The following PCDH18 variants were observed in gnomAD, a reference collection of about 807,000 sequenced individuals.
PCDH18 encodes the protein protocadherin-18.
In PCDH18, 38 loss-of-function variants were observed where a neutral mutation model predicts 71.5. The observed-to-expected ratio is 0.53, with a 90% CI of 0.41 to 0.70. The LOEUF (loss-of-function observed/expected upper bound fraction) is 0.70, where lower values mean the gene tolerates loss of function less well. Ranked by LOEUF, PCDH18 falls within the 30% of genes least tolerant of loss-of-function variation. PCDH18 has a pLI of 0.00. For synonymous variants in PCDH18, 565 were observed against 505.4 expected, an observed-to-expected ratio of 1.12 and a Z score of -1.58; for missense variants, 1,334 against 1,384.6, an observed-to-expected ratio of 0.96 and a Z score of 0.58.
Position 137,521,682 on chromosome 4 carries a change from T to C in PCDH18, c.2755A>G (p.Thr919Ala). ...GRIPAAMRLCTEECRVLGHSD... is the reference protein window; with the variant it reads ...GRIPAAMRLCAEECRVLGHSD... ...TGTCCCAGGACCCTGCACTCCTCCGTGCAGAGTCTCATAGCTGCACTCAAG... is the reference window on the plus strand; with the variant it reads ...TGTCCCAGGACCCTGCACTCCTCCGCGCAGAGTCTCATAGCTGCACTCAAG... The change falls in exon 4 of 4, where the codon ACG becomes GCG. Residue 919 changes from threonine (T) to alanine (A), a missense_variant. Physicochemically the swap from Thr to Ala is moderately conservative, Grantham distance 58 (BLOSUM62 0). This residue lies in a region of PCDH18 where 319 missense variants were observed against 316.3 expected (regional missense o/e 1.01). Coordinates refer to ENST00000344876, the MANE Select transcript of PCDH18 (RefSeq NM_019035.5). The C allele has an allele frequency of 6.2e-7, 1 of 1,603,810 alleles. No individual in the cohort carries two copies. The highest frequency in any genetic ancestry group is 1.1e-5 in the South Asian group (1 of 91,004).
chr4:137,522,696 T>C (rs183898030), intron 3 of PCDH18, among the ~76,000 whole-genome samples: 3 of 152,288 alleles, frequency 2.0e-5, no homozygotes, highest in East Asian at 3.9e-4. Context: ...GCTATACTTA[T>C]ATATTAAGAG....
chr4:137,530,189 G>A lies in PCDH18; in HGVS notation c.1900C>T (p.Arg634Ter), dbSNP rs1309312268. ...NEENIFIIDP[R>*]SCDIHTNVSM... is the part of the protein sequence containing the mutation. ...ACGTTGGTATGGATGTCACATGATC[G>A]TGGATCAATTATGAAGATATTCTCC... The change falls in exon 1 of 4, where the codon CGA becomes TGA. Residue 634 changes from arginine (R) to a stop codon, truncating the protein, a stop_gained. Transcript: ENST00000344876. LOFTEE classifies it high-confidence loss of function. The A allele has an allele frequency of 3.1e-6, 5 of 1,613,598 alleles. No individual in the cohort carries two copies. The highest frequency in any genetic ancestry group is 1.3e-5 in the African/African-American group (1 of 74,958).
At chr4:137,529,543 A>G in intron 1 of PCDH18, 59 bp downstream of exon 1, 1 of 1,217,286 alleles carries the variant, frequency 8.2e-7, no homozygotes, top group Non-Finnish European at 1.2e-6. Context: ...ACTAGTAAAC[A>G]CAATTCCTGA....
In PCDH18 at chr4:137,530,202, G is replaced by A. The variant is rs148055411; in HGVS notation, c.1887C>T (p.Phe629=). ...AIVAGNEENI[F]IIDPRSCDIH... ...TGTCACATGATCGTGGATCAATTAT[G>A]AAGATATTCTCCTCATTACCTGCTA... Residue 629 remains phenylalanine (F), a synonymous_variant, in exon 1 of 4, where the codon TTC becomes TTT. Transcript: ENST00000344876. 4.3e-4 allele frequency: 698 copies of A among 1,613,926 alleles called. 13 individuals are homozygous for A. The East Asian group carries it at 0.015, about 36-fold the overall frequency.
Position 137,528,555 on chromosome 4 carries a change from C to G in PCDH18, c.2663G>C (p.Gly888Ala), listed in dbSNP as rs749396791. The change falls in exon 3 of 4, where the codon GGG becomes GCG. Residue 888 changes from glycine to alanine, a missense_variant. By Grantham distance (60) the Gly-to-Ala change is moderately conservative (BLOSUM62 0). Transcript: ENST00000344876. ...CAGCCTATCTATTGGAGAATCTCGC[C>G]CCAAATCATAATCACTGTCTCCTGC... ...SEAGDSDYDL[G>A]RDSPIDRLLG... 1.4e-5 allele frequency: 23 copies of G among 1,613,964 alleles called. 1 individual carries two copies. The South Asian group carries it at 2.5e-4, about 18-fold the overall frequency.
chr4:137,530,652 T>G lies in PCDH18; in HGVS notation c.1437A>C (p.Ser479=), dbSNP rs1166949032. 3.1e-6 allele frequency: 5 copies of G among 1,613,350 alleles called. No homozygotes were observed. Among genetic ancestry groups the G allele is most frequent in the Non-Finnish European group, 4.2e-6 (5 of 1,179,760 alleles). The change falls in exon 1 of 4, where the codon TCA becomes TCC. Residue 479 remains serine (S), a synonymous_variant. Coordinates refer to ENST00000344876, the MANE Select transcript of PCDH18 (RefSeq NM_019035.5). ...RYEFVISENN[S]PGAYITTVTA... is the part of the protein sequence containing the mutation. ...TAACAGTGGTGATATATGCCCCTGG[T>G]GAGTTATTTTCTGAAATTACAAATT...
Position 137,530,626 on chromosome 4 carries a change from G to C in PCDH18, c.1463C>G (p.Thr488Arg). Residue 488 changes from threonine (T) to arginine (R), a missense_variant, in exon 1 of 4, where the codon ACA becomes AGA. Around this residue, in one of 3 missense-constraint regions of PCDH18, gnomAD observed 1,011 missense variants for 1,048.0 expected, o/e 0.96. Transcript: ENST00000344876. ...NSPGAYITTV[T>R]ATDPDLGENG... ...TTCTCCAAGATCAGGATCTGTGGCTGTAACAGTGGTGATATATGCCCCTGG... is the reference window on the plus strand; with the variant it reads ...TTCTCCAAGATCAGGATCTGTGGCTCTAACAGTGGTGATATATGCCCCTGG... The C allele has an allele frequency of 6.2e-7, 1 of 1,614,100 alleles. No homozygotes were observed. Among genetic ancestry groups the C allele is most frequent in the East Asian group, 2.2e-5 (1 of 44,868 alleles).
chr4:137,527,813 A>C (rs1166607571), intron 3 of PCDH18, among the ~76,000 whole-genome samples: 1 of 152,180 alleles, frequency 6.6e-6, no homozygotes, highest in Non-Finnish European at 1.5e-5. Flanking sequence ...AGAGGGAAGG[A>C]ACTCCAAGGA....
At position 137,531,865 on chromosome 4, in the gene PCDH18, G is replaced by A. The variant is rs773284710; in HGVS notation, c.224C>T (p.Pro75Leu). Reference protein sequence around the residue: ...RFRAMQRGNSPLLVVNEDNGE... With the variant: ...RFRAMQRGNSLLLVVNEDNGE... ...ATTATCCTCGTTTACTACAAGTAGA[G>A]GAGAATTTCCCCTCTGCATGGCTCG... Residue 75 changes from proline to leucine, a missense_variant, in exon 1 of 4, where the codon CCT (proline) becomes CTT (leucine). Pro to Leu is a moderately conservative substitution (Grantham distance 98). Transcript: ENST00000344876. 6.2e-6 allele frequency: 10 copies of A among 1,614,004 alleles called. No individual in the cohort carries two copies. The South Asian group carries it at 9.9e-5, about 16-fold the overall frequency.
intron 3 of PCDH18, among the ~76,000 whole-genome samples, chr4:137,522,576 A>G (rs1334372938): frequency 6.6e-6 from 1 of 152,232 alleles, no homozygotes; most frequent in African/African-American, 2.4e-5. Flanking sequence ...GACTTATTTC[A>G]GTGAGAAATA....
In PCDH18 at chr4:137,532,249, A is replaced by G. The variant is rs1458125904; in HGVS notation, c.-161T>C. On this transcript the variant is annotated 5_prime_UTR_variant, in exon 1 of 4. Coordinates refer to ENST00000344876, the MANE Select transcript of PCDH18 (RefSeq NM_019035.5). Reference sequence around the variant, plus strand: ...AACAGCTCGCAAACTTTTGTTTTATACACACCGTGTCACGACTTCCAGATA... The same window carrying G: ...AACAGCTCGCAAACTTTTGTTTTATGCACACCGTGTCACGACTTCCAGATA... The G allele has an allele frequency of 8.3e-6, 6 of 719,226 alleles. No homozygotes were observed. The highest frequency in any genetic ancestry group is 7.9e-5 in the Admixed American group (4 of 50,504). 44.6% of individuals were successfully genotyped at this position (719,226 alleles called of 1,614,324 possible).
At chr4:137,529,460 T>A (rs1190341843) in intron 1 of PCDH18, 142 bp downstream of exon 1, 2 of 574,148 alleles carry the variant, frequency 3.5e-6, no homozygotes, top group East Asian at 5.6e-5. Context: ...TGCTACATAT[T>A]CACAATGTAA....
Position 137,521,026 on chromosome 4 carries a change from C to A in PCDH18, c.*3G>T. Reference sequence around the variant, plus strand: ...GGAAACAAAAATGCTTCGCTAAAATCTCCTAGCTCTGGCGGACATCTTGAA... The same window carrying A: ...GGAAACAAAAATGCTTCGCTAAAATATCCTAGCTCTGGCGGACATCTTGAA... On this transcript the variant is annotated 3_prime_UTR_variant, in exon 4 of 4. Transcript: ENST00000344876. 1 of 1,568,770 alleles carries A rather than the reference C, an allele frequency of 6.4e-7. No individual in the cohort carries two copies. The highest frequency in any genetic ancestry group is 8.7e-7 in the Non-Finnish European group (1 of 1,153,378).
In PCDH18 at chr4:137,521,460, C is replaced by A. The variant is rs754884852; in HGVS notation, c.2977G>T (p.Asp993Tyr). ...GTGCTGGTATCCCCAGTGTCCTCAT[C>A]GTTTGGGGAGTCCTTTCCAAAGGTG... ...FSTFGKDSPN[D>Y]EDTGDTSTSS... Residue 993 changes from aspartate to tyrosine, a missense_variant, in exon 4 of 4, where the codon GAT becomes TAT. Physicochemically the swap from Asp to Tyr is radical, Grantham distance 160. This residue lies in a region of PCDH18 where 319 missense variants were observed against 316.3 expected (regional missense o/e 1.01). Coordinates refer to ENST00000344876, the MANE Select transcript of PCDH18 (RefSeq NM_019035.5). 6.2e-7 allele frequency: 1 copy of A among 1,614,142 alleles called. No homozygotes were observed. The highest frequency in any genetic ancestry group is 2.2e-5 in the East Asian group (1 of 44,864).
chr4:137,519,033 A>C lies in PCDH18; in HGVS notation c.*1996T>G, dbSNP rs1731213965. ...TTTAAATTAAGAACAGTGAGGATAT[A>C]AAAGTCTTTTTCTTAATGGTAATAT... On this transcript the variant is annotated 3_prime_UTR_variant, in exon 4 of 4. Transcript: ENST00000344876. 1 of 152,212 alleles carries C rather than the reference A, an allele frequency of 6.6e-6. No homozygotes were observed. The highest frequency in any genetic ancestry group is 2.4e-5 in the African/African-American group (1 of 41,466). 9.4% of individuals were successfully genotyped at this position (152,212 alleles called of 1,614,324 possible).
chr4:137,532,338 G>C lies in PCDH18; in HGVS notation c.-250C>G, dbSNP rs1380607880. ...GTTCGTCCTCTTTCCAGGCAGGAGA[G>C]TGTCACCTCCGCGTTTTCTCCCTTG... On this transcript the variant is annotated 5_prime_UTR_variant, in exon 1 of 4. Coordinates refer to ENST00000344876, the MANE Select transcript of PCDH18 (RefSeq NM_019035.5). 1 of 702,394 alleles carries C rather than the reference G, an allele frequency of 1.4e-6. No homozygotes were observed. Among genetic ancestry groups the C allele is most frequent in the African/African-American group, 1.7e-5 (1 of 57,224 alleles). 43.5% of individuals were successfully genotyped at this position (702,394 alleles called of 1,614,324 possible). A position where few individuals can be genotyped will look rare whatever the true frequency, so the allele number is the denominator to read the frequency against.
chr4:137,524,511 G>A (rs371335442), intron 3 of PCDH18, among the ~76,000 whole-genome samples: 42 of 152,210 alleles, frequency 2.8e-4, no homozygotes, highest in African/African-American at 9.6e-4. Flanking sequence ...AGTGGAGGTG[G>A]AAGCTGAAAT....
intron 3 of PCDH18, 105 bp downstream of exon 3, chr4:137,528,373 T>G: frequency 1.2e-6 from 1 of 847,538 alleles, no homozygotes; most frequent in Middle Eastern, 2.3e-4. Context: ...AATACTTTAG[T>G]GCAAGGGACA....
chr4:137,519,150 C>T lies in PCDH18; in HGVS notation c.*1879G>A, dbSNP rs983565015. 2 of 152,124 alleles carry T rather than the reference C, an allele frequency of 1.3e-5. No homozygotes were observed. Among genetic ancestry groups the T allele is most frequent in the Admixed American group, 1.3e-4 (2 of 15,270 alleles). The allele number at this position is 152,124 out of a possible 1,614,324, so 9.4% of individuals were successfully genotyped here. A position where few individuals can be genotyped will look rare whatever the true frequency, so the allele number is the denominator to read the frequency against. ...TCTACTGAAAAATATACTGAAATTT[C>T]ACTTGTAATTGCAATCTCTCCTATA... On this transcript the variant is annotated 3_prime_UTR_variant, in exon 4 of 4. Transcript: ENST00000344876.
Sources: gnomAD v4.1 joint callset for allele counts (sites outside exome capture counted in the v4.1 genomes callset) on GRCh38, gnomAD v4.1.1 for gene constraint, gnomAD v4.1.1 regional missense constraint, MANE v1.5 for transcripts, NCBI Gene and HGNC (gene_info 2026-07-23, HGNC 2026-07-21) for gene names.